The following VTI1A variants were observed in gnomAD, a reference collection of about 807,000 sequenced individuals.
VTI1A encodes vesicle transport through interaction with t-SNAREs 1A.
A neutral mutation model predicts 34.9 loss-of-function variants in VTI1A; 22 were observed. The observed-to-expected ratio is 0.63, with a 90% CI of 0.45 to 0.90. VTI1A has a LOEUF of 0.90. Among genes scored for constraint, VTI1A ranks in the 40% least tolerant of loss-of-function variants. VTI1A has a pLI of 0.00. For synonymous variants in VTI1A, 87 were observed against 97.3 expected (o/e 0.89, Z 0.62); for missense variants, 268 against 275.6 (o/e 0.97, Z 0.20).
At position 112,459,568 on chromosome 10, in the gene VTI1A, A is replaced by T. The variant is rs566230056; in HGVS notation, c.95-956A>T. Among the ~76,000 whole-genome samples the T allele has an allele frequency of 3.3e-5, 5 of 152,302 alleles. No individual in the cohort carries two copies. In the East Asian group the frequency reaches 9.7e-4, roughly 29 times the overall value. On this transcript the variant is annotated intron_variant, in intron 1 of 7. Transcript: ENST00000393077. ...GAGTCTTTATGGAGATAGCATTTTC[A>T]TTGTCCTGCTTGGTGAGGAAGAAGG... is the stretch of plus-strand genomic sequence containing the variant.
intron 7 of VTI1A, among the ~76,000 whole-genome samples, chr10:112,749,976 A>G (rs371158497): frequency 1.3e-5 from 2 of 152,362 alleles, no homozygotes; most frequent in East Asian, 1.9e-4. Flanking sequence ...CAAATATGCT[A>G]TACACAAAGT....
intron 5 of VTI1A, among the ~76,000 whole-genome samples, chr10:112,564,710 A>G (rs1438184454): frequency 6.6e-6 from 1 of 152,128 alleles, no homozygotes; most frequent in East Asian, 1.9e-4. Context: ...TTGAGAGTAT[A>G]TAAAAAAGAT....
chr10:112,462,022 G>T (rs1847744580), intron 2 of VTI1A, among the ~76,000 whole-genome samples: 2 of 152,094 alleles, frequency 1.3e-5, no homozygotes, highest in Admixed American at 1.3e-4. Flanking sequence ...GGCTAATTTT[G>T]TATTTTCAGT....
intron 3 of VTI1A, among the ~76,000 whole-genome samples, chr10:112,495,819 A>G (rs1392317920): frequency 1.3e-5 from 2 of 152,188 alleles, no homozygotes; most frequent in Non-Finnish European, 2.9e-5. Flanking sequence ...TTAGAATTGT[A>G]TTTAGAGTTC....
intron 5 of VTI1A, among the ~76,000 whole-genome samples, chr10:112,649,250 A>T (rs545332391): frequency 6.6e-6 from 1 of 152,310 alleles, no homozygotes; most frequent in East Asian, 1.9e-4. Flanking sequence ...AGTGCTCTGC[A>T]CAGCCAGTTT....
intron 3 of VTI1A, among the ~76,000 whole-genome samples, chr10:112,519,460 C>A (rs1849930828): frequency 6.6e-6 from 1 of 152,184 alleles, no homozygotes; most frequent in East Asian, 1.9e-4. Context: ...TGATTGGTGT[C>A]CAATATTCTA....
chr10:112,812,552 G>A (rs2134091333), intron 7 of VTI1A, among the ~76,000 whole-genome samples: 1 of 152,258 alleles, frequency 6.6e-6, no homozygotes, highest in South Asian at 2.1e-4. Flanking sequence ...TTCCAAACTG[G>A]CTCAGTCCTA....
At chr10:112,520,952 A>G (rs1850006135) in intron 3 of VTI1A, among the ~76,000 whole-genome samples, 1 of 151,966 alleles carries the variant, frequency 6.6e-6, no homozygotes, top group Non-Finnish European at 1.5e-5. Context: ...ATGGTAACCT[A>G]CTTTCCAGCT....
intron 3 of VTI1A, among the ~76,000 whole-genome samples, chr10:112,516,412 A>G (rs1031583131): frequency 2.0e-5 from 3 of 152,028 alleles, no homozygotes; most frequent in African/African-American, 7.2e-5. Context: ...GCTTTTGTTG[A>G]ATATATTTGC....
chr10:112,459,226 C>G (rs1444143073), intron 1 of VTI1A, among the ~76,000 whole-genome samples: 3 of 152,206 alleles, frequency 2.0e-5, no homozygotes, highest in African/African-American at 7.2e-5. Flanking sequence ...AAGCCAGGAA[C>G]TAACTATATC....
intron 7 of VTI1A, among the ~76,000 whole-genome samples, chr10:112,702,242 T>G (rs1849034972): frequency 6.6e-6 from 1 of 152,222 alleles, no homozygotes; most frequent in South Asian, 2.1e-4. Context: ...AGCTAAAGCC[T>G]GGGTATTCAT....
intron 7 of VTI1A, among the ~76,000 whole-genome samples, chr10:112,753,754 C>T (rs907204545): frequency 6.6e-6 from 1 of 152,118 alleles, no homozygotes; most frequent in Admixed American, 6.6e-5. Flanking sequence ...TGAATATATT[C>T]ATATGAAAAG....
At chr10:112,557,614 T>C (rs764113795) in intron 5 of VTI1A, among the ~76,000 whole-genome samples, 33 of 152,200 alleles carry the variant, frequency 2.2e-4, no homozygotes, top group Non-Finnish European at 4.0e-4. Context: ...CTGAATAATT[T>C]TAAGGACCAT....
chr10:112,627,196 T>C (rs1845954461), intron 5 of VTI1A, among the ~76,000 whole-genome samples: 1 of 152,170 alleles, frequency 6.6e-6, no homozygotes, highest in Non-Finnish European at 1.5e-5. Context: ...TCTCTGGGGA[T>C]AGACCTTGGG....
chr10:112,839,291 A>G, the VTI1A span, among the ~76,000 whole-genome samples: 40 of 151,942 alleles, frequency 2.6e-4, no homozygotes, highest in African/African-American at 9.2e-4. Context: ...GTCATTTCCC[A>G]TTGTGAGAAG....
chr10:112,600,250 A>G (rs994957151), intron 5 of VTI1A, among the ~76,000 whole-genome samples: 4 of 152,178 alleles, frequency 2.6e-5, no homozygotes, highest in Admixed American at 6.5e-5. Flanking sequence ...TGCCCCTACT[A>G]TAGTCATTTT....
rs547199775 is a variant in VTI1A at position 112,447,291 on chromosome 10, C to T, written c.-83C>T. ...CTCTCGGGGGCACCTTCCGGGGTTC[C>T]TAAGCCGCGGGGCCCCTCGCTGCCC... is the stretch of plus-strand genomic sequence containing the variant. On this transcript the variant is annotated 5_prime_UTR_variant, in exon 1 of 8. Transcript: ENST00000393077. 1 of 1,490,658 alleles carries T rather than the reference C, an allele frequency of 6.7e-7. No homozygotes were observed. The highest frequency in any genetic ancestry group is 1.2e-5 in the South Asian group (1 of 83,262). 92.3% of individuals were successfully genotyped at this position (1,490,658 alleles called of 1,614,324 possible). A position where few individuals can be genotyped will look rare whatever the true frequency, so the allele number is the denominator to read the frequency against.
At chr10:112,709,822 G>A (rs1176107481) in intron 7 of VTI1A, among the ~76,000 whole-genome samples, 2 of 147,218 alleles carry the variant, frequency 1.4e-5, no homozygotes, top group Non-Finnish European at 3.0e-5. Flanking sequence ...TCCCAGGTAG[G>A]TGGGACTATA....
At chr10:112,459,342 C>T (rs957104940) in intron 1 of VTI1A, among the ~76,000 whole-genome samples, 1 of 152,188 alleles carries the variant, frequency 6.6e-6, no homozygotes, top group Non-Finnish European at 1.5e-5. Flanking sequence ...ATGCTAGCAG[C>T]GCTTCTAGGC....
Sources: gnomAD v4.1 joint callset for allele counts (sites outside exome capture counted in the v4.1 genomes callset) on GRCh38, gnomAD v4.1.1 for gene constraint, MANE v1.5 for transcripts, NCBI Gene and HGNC (gene_info 2026-07-23, HGNC 2026-07-21) for gene names.